The following SIPA1L2 variants were observed in gnomAD, a reference collection of about 807,000 sequenced individuals.
SIPA1L2 encodes the protein signal induced proliferation associated 1 like 2, also known as signal-induced proliferation-associated 1-like protein 2.
Under a neutral mutation model 163.9 loss-of-function variants are expected in SIPA1L2, and 56 were observed. That is an observed-to-expected ratio of 0.34 (90% CI 0.28 to 0.43). SIPA1L2 has a LOEUF of 0.43. SIPA1L2 is among the 20% of genes least tolerant of loss of function. The probability of loss-of-function intolerance (pLI) is 1.00; values close to 1 mark genes in which losing one functional copy is unlikely to be tolerated. For missense variants in SIPA1L2, 1,974 were observed against 2,193.5 expected (o/e 0.90, Z 2.00); for synonymous variants, 877 against 865.7 (o/e 1.01, Z -0.23).
intron 1 of SIPA1L2, among the ~76,000 whole-genome samples, chr1:232,597,222 G>C (rs919107421): frequency 6.6e-6 from 1 of 152,054 alleles, no homozygotes; most frequent in Non-Finnish European, 1.5e-5. Context: ...TTAAAACGTG[G>C]CATCAATACC....
intron 2 of SIPA1L2, among the ~76,000 whole-genome samples, chr1:232,538,169 G>T: frequency 6.6e-6 from 1 of 152,194 alleles, no homozygotes; most frequent in East Asian, 1.9e-4. Context: ...TTTGGCACAG[G>T]TGGGATCACG....
At chr1:232,603,478 G>A (rs75177583) in intron 1 of SIPA1L2, among the ~76,000 whole-genome samples, 8,020 of 152,200 alleles carry the variant, frequency 0.053, 701 homozygotes, top group East Asian at 0.41. Flanking sequence ...AGGCGCAGAG[G>A]TAAACGTTTG....
intron 16 of SIPA1L2, among the ~76,000 whole-genome samples, chr1:232,429,430 C>A (rs1243313756): frequency 1.3e-5 from 2 of 152,154 alleles, no homozygotes; most frequent in African/African-American, 4.8e-5. Context: ...TATCTTATAA[C>A]TGTATGACAG....
chr1:232,587,438 A>T (rs1660731267), intron 1 of SIPA1L2, among the ~76,000 whole-genome samples: 1 of 152,190 alleles, frequency 6.6e-6, no homozygotes, highest in Non-Finnish European at 1.5e-5. Context: ...GTGGTTCTCA[A>T]AAAGTATGAA....
intron 1 of SIPA1L2, among the ~76,000 whole-genome samples, chr1:232,596,164 G>A (rs1256234142): frequency 6.6e-6 from 1 of 152,212 alleles, no homozygotes; most frequent in South Asian, 2.1e-4. Context: ...ATTCCGGAAA[G>A]TCAAAGGGCT....
At chr1:232,450,854 AT>A (rs1223843246) in intron 10 of SIPA1L2, among the ~76,000 whole-genome samples, 2 of 152,184 alleles carry the variant, frequency 1.3e-5, no homozygotes, top group African/African-American at 4.8e-5. Context: ...CATGACTCAT[AT>A]TTTGAGAGAA....
intron 22 of SIPA1L2, among the ~76,000 whole-genome samples, chr1:232,401,721 A>G (rs568821601): frequency 1.3e-5 from 2 of 152,158 alleles, no homozygotes; most frequent in East Asian, 1.9e-4. Context: ...TTCCCTCCCA[A>G]CTGAATCCTT....
chr1:232,447,769 AG>A (rs1481272013), intron 10 of SIPA1L2, among the ~76,000 whole-genome samples: 1 of 152,282 alleles, frequency 6.6e-6, no homozygotes, highest in African/African-American at 2.4e-5. Flanking sequence ...CTTCTAGGAC[AG>A]AACTGATCGA....
intron 19 of SIPA1L2, among the ~76,000 whole-genome samples, chr1:232,407,014 G>C (rs1291663513): frequency 6.6e-6 from 1 of 152,206 alleles, no homozygotes. Context: ...AGGAAAAAAG[G>C]CTGCACTGTA....
chr1:232,415,788 C>A (rs1661216238), intron 18 of SIPA1L2, 163 bp from the exon 19 acceptor site: 1 of 763,168 alleles, frequency 1.3e-6, no homozygotes, highest in Non-Finnish European at 2.1e-6. Context: ...GCACCACTGT[C>A]CCTCCCAGAG....
intron 17 of SIPA1L2, among the ~76,000 whole-genome samples, 187 bp downstream of exon 17, chr1:232,428,224 C>A (rs1271485417): frequency 6.6e-6 from 1 of 152,144 alleles, no homozygotes; most frequent in Non-Finnish European, 1.5e-5. Context: ...TAACCTCTCC[C>A]AGGCTCCCTT....
intron 1 of SIPA1L2, among the ~76,000 whole-genome samples, chr1:232,604,147 G>C (rs1054655564): frequency 2.6e-5 from 4 of 152,056 alleles, no homozygotes. Context: ...CCAGCACGTG[G>C]TAAAGCATAA....
chr1:232,617,096 T>C (rs1662540239), intron 1 of SIPA1L2, among the ~76,000 whole-genome samples: 1 of 152,246 alleles, frequency 6.6e-6, no homozygotes, highest in African/African-American at 2.4e-5. Context: ...TAGAAATAAT[T>C]CCTCAGTTTT....
At chr1:232,431,253 T>C (rs993798390) in intron 16 of SIPA1L2, among the ~76,000 whole-genome samples, 5 of 152,186 alleles carry the variant, frequency 3.3e-5, no homozygotes, top group African/African-American at 4.8e-5. Flanking sequence ...TTTTCATTTA[T>C]AATAAAAAGG....
intron 1 of SIPA1L2, among the ~76,000 whole-genome samples, chr1:232,588,190 G>T (rs1050768339): frequency 2.0e-5 from 3 of 152,172 alleles, no homozygotes; most frequent in African/African-American, 7.2e-5. Context: ...GCACCTGTGG[G>T]GTGGACCTAT....
rs929571015 is a variant in SIPA1L2, at chr1:232,398,010, G to A, written c.*1117C>T. 3 of 152,536 alleles carry A rather than the reference G, an allele frequency of 2.0e-5. No individual in the cohort carries two copies. The highest frequency in any genetic ancestry group is 2.9e-5 in the Non-Finnish European group (2 of 68,018). The allele number at this position is 152,536 out of a possible 1,614,324, so 9.4% of individuals were successfully genotyped here. On this transcript the variant is annotated 3_prime_UTR_variant, in exon 23 of 23. Transcript: ENST00000674635. ...TAAACATTTATTAAAAAAGCAAAAT[G>A]TATGTTCATCTCAAATCTAACAGTT...
intron 3 of SIPA1L2, among the ~76,000 whole-genome samples, chr1:232,500,876 A>G (rs1439974838): frequency 6.6e-6 from 1 of 152,074 alleles, no homozygotes; most frequent in Admixed American, 6.6e-5. Flanking sequence ...AAAAGATTCA[A>G]TCAATGTGGC....
intron 3 of SIPA1L2, among the ~76,000 whole-genome samples, chr1:232,512,057 G>A (rs1667003561): frequency 6.6e-6 from 1 of 152,174 alleles, no homozygotes; most frequent in Admixed American, 6.5e-5. Flanking sequence ...CAAAAAGTGG[G>A]CAAAGGATAT....
chr1:232,414,468 G>T (rs1411116804), intron 19 of SIPA1L2, among the ~76,000 whole-genome samples: 1 of 152,212 alleles, frequency 6.6e-6, no homozygotes, highest in African/African-American at 2.4e-5. Flanking sequence ...GTTTCCTGAG[G>T]CCTGGTGTCA....
Sources: gnomAD v4.1 joint callset for allele counts (sites outside exome capture counted in the v4.1 genomes callset) on GRCh38, gnomAD v4.1.1 for gene constraint, MANE v1.5 for transcripts, NCBI Gene and HGNC (gene_info 2026-07-23, HGNC 2026-07-21) for gene names.